The following RPS6KA2 variants were observed in gnomAD, a reference collection of about 807,000 sequenced individuals.
RPS6KA2 encodes the protein ribosomal protein S6 kinase alpha-2.
RPS6KA2 carries 42 observed loss-of-function variants against 91.8 expected under a neutral mutation model. The ratio of observed to expected loss-of-function variants is 0.46; its 90% CI spans 0.36 to 0.59. RPS6KA2 has a LOEUF of 0.59. Among genes scored for constraint, RPS6KA2 ranks in the 20% least tolerant of loss-of-function variants. The pLI is 0.00. For missense variants in RPS6KA2, 798 were observed against 978.5 expected (o/e 0.82, Z 2.46); for synonymous variants, 414 against 393.6 (o/e 1.05, Z -0.61).
At chr6:166,717,607 G>A (rs1311584250) in intron 2 of RPS6KA2, among the ~76,000 whole-genome samples, 1 of 152,194 alleles carries the variant, frequency 6.6e-6, no homozygotes, top group Non-Finnish European at 1.5e-5. Flanking sequence ...AGCAGCGTGG[G>A]GTTGGAAGGG....
chr6:166,701,054 G>A lies in RPS6KA2; in HGVS notation c.123+157146C>T, dbSNP rs1382706662. 61 of 1,406,944 alleles carry A rather than the reference G, an allele frequency of 4.3e-5. No individual in the cohort carries two copies. The Admixed American group carries it at 8.4e-4, about 19-fold the overall frequency. 87.2% of individuals were successfully genotyped at this position (1,406,944 alleles called of 1,614,324 possible). A position where few individuals can be genotyped will look rare whatever the true frequency, so the allele number is the denominator to read the frequency against. On this transcript the variant is annotated intron_variant, in intron 2 of 21. Coordinates refer to the RPS6KA2 transcript ENST00000503859. ...TCTGTTTGTTAAGCAATCTGTCTTT[G>A]GTTTGGCATCTGCCTCCGTGGTGGG...
rs1300635569 is a variant in RPS6KA2, at chr6:166,662,908, C to G, written c.124-124124G>C. On this transcript the variant is annotated intron_variant, in intron 2 of 21. Coordinates refer to the RPS6KA2 transcript ENST00000503859. This position sits in a 1 kb window ranked among gnomAD's most constrained non-coding sequence, Gnocchi z 4.3. ...GAGGAAGTCTGAATACGCAGAGACACCGGGGCCGCCTCTGTGTATGGAGGA... is the reference window on the plus strand; with the variant it reads ...GAGGAAGTCTGAATACGCAGAGACAGCGGGGCCGCCTCTGTGTATGGAGGA... 1.3e-5 allele frequency among the ~76,000 whole-genome samples: 2 copies of G among 152,060 alleles called. No individual in the cohort carries two copies. Among genetic ancestry groups the G allele is most frequent in the Non-Finnish European group, 2.9e-5 (2 of 68,006 alleles).
intron 2 of RPS6KA2, among the ~76,000 whole-genome samples, chr6:166,735,431 C>A (rs1481499908): frequency 6.6e-6 from 1 of 152,180 alleles, no homozygotes; most frequent in Non-Finnish European, 1.5e-5. Context: ...GGGTGGGGGA[C>A]AGTTTCAGGA....
At chr6:166,475,307 C>G (rs539826523) in intron 10 of RPS6KA2, among the ~76,000 whole-genome samples, 15 of 152,328 alleles carry the variant, frequency 9.8e-5, no homozygotes, top group African/African-American at 3.6e-4. Flanking sequence ...AGAGCCCCCA[C>G]GCTCACCACA....
At chr6:166,558,781 T>C (rs1784252880) in intron 1 of RPS6KA2, among the ~76,000 whole-genome samples, 1 of 152,170 alleles carries the variant, frequency 6.6e-6, no homozygotes, top group Non-Finnish European at 1.5e-5. Flanking sequence ...GGAGAAAGTC[T>C]ACAGTCACGG....
At chr6:166,416,691 C>G (rs2128438129) in intron 19 of RPS6KA2, among the ~76,000 whole-genome samples, 1 of 151,294 alleles carries the variant, frequency 6.6e-6, no homozygotes, top group South Asian at 2.1e-4. Context: ...CCACCATTAC[C>G]TCCACCATCA....
intron 2 of RPS6KA2, among the ~76,000 whole-genome samples, chr6:166,722,059 A>G (rs1362697623): frequency 6.6e-6 from 1 of 152,224 alleles, no homozygotes; most frequent in Non-Finnish European, 1.5e-5. Context: ...ATATAACCAG[A>G]ACCAAAATAT....
rs1348048305 is a variant in RPS6KA2 at position 166,733,929 on chromosome 6, G to A, written c.123+124271C>T. The stretch of plus-strand genomic sequence containing the variant: ...GAGATTTCTAAGGAAACTGTAGGGT[G>A]TGGAGTAGGATCACTGCTAGGGTGT... On this transcript the variant is annotated intron_variant, in intron 2 of 21. Coordinates refer to the RPS6KA2 transcript ENST00000503859. The surrounding 1 kb of genome is among the most constrained non-coding windows in gnomAD (Gnocchi z 4.1). Among the ~76,000 whole-genome samples, 1 of 152,266 alleles carries A rather than the reference G, an allele frequency of 6.6e-6. No individual in the cohort carries two copies. The highest frequency in any genetic ancestry group is 1.5e-5 in the Non-Finnish European group (1 of 68,046).
At chr6:166,804,175 A>T (rs2128618639) in intron 2 of RPS6KA2, among the ~76,000 whole-genome samples, 1 of 152,234 alleles carries the variant, frequency 6.6e-6, no homozygotes, top group East Asian at 1.9e-4. Flanking sequence ...ATTAGTAAAA[A>T]AAAAATACTT....
chr6:166,543,491 A>G (rs1783725356), intron 1 of RPS6KA2, among the ~76,000 whole-genome samples: 1 of 152,126 alleles, frequency 6.6e-6, no homozygotes, highest in South Asian at 2.1e-4. Context: ...CGAGTGGCTA[A>G]ATTTCCATCC....
Position 166,626,402 on chromosome 6 carries a change from G to A in RPS6KA2, c.99+519C>T, listed in dbSNP as rs555978041. 1.3e-4 allele frequency among the ~76,000 whole-genome samples: 20 copies of A among 152,350 alleles called. No homozygotes were observed. Among genetic ancestry groups the A allele is most frequent in the Admixed American group, 2.6e-4 (4 of 15,312 alleles). ...GCCTAAGCAGATTGTGCTGCTGCCT[G>A]TTCTTCCCCGTTCTGTGAATTCTAC... On this transcript the variant is annotated intron_variant, in intron 1 of 20. Transcript: ENST00000265678. The surrounding 1 kb of genome is among the most constrained non-coding windows in gnomAD (Gnocchi z 4.1).
intron 10 of RPS6KA2, among the ~76,000 whole-genome samples, chr6:166,483,470 A>T (rs1781304305): frequency 6.6e-6 from 1 of 152,220 alleles, no homozygotes; most frequent in African/African-American, 2.4e-5. Flanking sequence ...GCAAACGCTC[A>T]GGGGAAAGGA....
At position 166,437,445 on chromosome 6, in the gene RPS6KA2, C is replaced by T. The variant is rs938480825; in HGVS notation, c.1333-4955G>A. Among the ~76,000 whole-genome samples, 3 of 152,206 alleles carry T rather than the reference C, an allele frequency of 2.0e-5. No homozygotes were observed. The highest frequency in any genetic ancestry group is 6.5e-5 in the Admixed American group (1 of 15,286). On this transcript the variant is annotated intron_variant, in intron 14 of 20. Transcript: ENST00000265678. The surrounding 1 kb of genome is among the most constrained non-coding windows in gnomAD (Gnocchi z 4.3). The stretch of plus-strand genomic sequence containing the variant: ...ACGCTCAAATAATGCTGACGCGCCA[C>T]GGAGTAGGAGTGGTGTCGTGGGGCG...
At chr6:166,594,493 C>T (rs963355220) in intron 1 of RPS6KA2, among the ~76,000 whole-genome samples, 6 of 152,034 alleles carry the variant, frequency 3.9e-5, no homozygotes, top group Non-Finnish European at 8.8e-5. Flanking sequence ...GACGGAGTCT[C>T]GCTCTGTCGC....
chr6:166,846,169 A>C (rs1780599631), intron 2 of RPS6KA2, among the ~76,000 whole-genome samples: 2 of 152,188 alleles, frequency 1.3e-5, no homozygotes, highest in African/African-American at 4.8e-5. Context: ...GAAGATATAG[A>C]AACTCTGAAC....
chr6:166,673,067 C>T (rs1197091374), intron 2 of RPS6KA2, among the ~76,000 whole-genome samples: 1 of 152,156 alleles, frequency 6.6e-6, no homozygotes, highest in Non-Finnish European at 1.5e-5. Context: ...CCCACTTCCT[C>T]CCATCTGCTA....
At chr6:166,671,302 G>A (rs1194297537) in intron 2 of RPS6KA2, among the ~76,000 whole-genome samples, 1 of 152,118 alleles carries the variant, frequency 6.6e-6, no homozygotes, top group Admixed American at 6.5e-5. Flanking sequence ...CAGCAAAGAT[G>A]GTGTGTCTGG....
chr6:166,607,552 T>C (rs2128530520), intron 1 of RPS6KA2, among the ~76,000 whole-genome samples: 1 of 152,272 alleles, frequency 6.6e-6, no homozygotes, highest in African/African-American at 2.4e-5. Flanking sequence ...ATTCCGTTTA[T>C]ATGAAATACC....
chr6:166,792,607 A>C (rs1779121002), intron 2 of RPS6KA2, among the ~76,000 whole-genome samples: 1 of 152,142 alleles, frequency 6.6e-6, no homozygotes. Flanking sequence ...AATCCTCAAT[A>C]AAATACTGGC....
Sources: gnomAD v4.1 joint callset for allele counts (sites outside exome capture counted in the v4.1 genomes callset) on GRCh38, gnomAD v4.1.1 for gene constraint, Gnocchi (gnomAD v3.1) non-coding constraint, MANE v1.5 for transcripts, NCBI Gene and HGNC (gene_info 2026-07-23, HGNC 2026-07-21) for gene names.